TDRD3: variants seen among roughly 807,000 people sequenced by gnomAD.
TDRD3 encodes tudor domain containing 3, also known as tudor domain-containing protein 3.
A neutral mutation model predicts 86.7 loss-of-function variants in TDRD3; 45 were observed. That is an observed-to-expected ratio of 0.52 (90% CI 0.41 to 0.67). The LOEUF (loss-of-function observed/expected upper bound fraction) is 0.67, where lower values mean the gene tolerates loss of function less well. Ranked by LOEUF, TDRD3 falls within the 30% of genes least tolerant of loss-of-function variation. The probability of loss-of-function intolerance (pLI) is 0.00; values close to 1 mark genes in which losing one functional copy is unlikely to be tolerated. For synonymous variants in TDRD3, 298 were observed against 301.7 expected, an observed-to-expected ratio of 0.99 and a Z score of 0.13; for missense variants, 814 against 889.0, an observed-to-expected ratio of 0.92 and a Z score of 1.07.
intron 7 of TDRD3, among the ~76,000 whole-genome samples, chr13:60,486,635 T>C (rs541468013): frequency 6.6e-6 from 1 of 152,312 alleles, no homozygotes; most frequent in South Asian, 2.1e-4. Context: ...AACTCTCATC[T>C]AGCTATTTTG....
rs1957529565 is a variant in TDRD3, at chr13:60,529,323, T to C, written c.1992+106T>C. ...GGAACTATGAGTCTTTTTCTACTATTGTACCTGTTTAAAATCTTTGAACAG... is the reference window on the plus strand; with the variant it reads ...GGAACTATGAGTCTTTTTCTACTATCGTACCTGTTTAAAATCTTTGAACAG... On this transcript the variant is annotated intron_variant, in intron 11 of 13. Transcript: ENST00000377881. 12 of 1,250,112 alleles carry C rather than the reference T, an allele frequency of 9.6e-6. No homozygotes were observed. The South Asian group carries it at 2.2e-4, about 22-fold the overall frequency. 77.4% of individuals were successfully genotyped at this position (1,250,112 alleles called of 1,614,324 possible).
At position 60,414,693 on chromosome 13, in the gene TDRD3, G is replaced by T. The variant is rs183728703; in HGVS notation, c.41+17288G>T. On this transcript the variant is annotated intron_variant, in intron 1 of 13. Transcript: ENST00000377881. ...TAAATCCTAACTATTTGATAGGAAT[G>T]TGTCAGTACTTGCAGTGGGGGCTTT... 9.9e-5 allele frequency among the ~76,000 whole-genome samples: 15 copies of T among 152,232 alleles called. No homozygotes were observed. The East Asian group carries it at 2.7e-3, about 27-fold the overall frequency.
intron 12 of TDRD3, among the ~76,000 whole-genome samples, chr13:60,551,573 C>G (rs990697875): frequency 1.1e-4 from 17 of 152,204 alleles, no homozygotes; most frequent in African/African-American, 4.1e-4. Context: ...TAAACCCAAA[C>G]TGCTTCTTTG....
chr13:60,497,775 A>G (rs1359316314), intron 8 of TDRD3, among the ~76,000 whole-genome samples: 1 of 151,246 alleles, frequency 6.6e-6, no homozygotes, highest in African/African-American at 2.4e-5. Context: ...ACTCTGATGA[A>G]TTTTTTTTTG....
At chr13:60,398,445 A>C (rs1001639834) in intron 1 of TDRD3, among the ~76,000 whole-genome samples, 27 of 152,220 alleles carry the variant, frequency 1.8e-4, no homozygotes. Flanking sequence ...GAGCTGCTGG[A>C]GATGACACAG....
intron 12 of TDRD3, among the ~76,000 whole-genome samples, chr13:60,549,544 T>C (rs1957999598): frequency 6.6e-6 from 1 of 152,142 alleles, no homozygotes. Flanking sequence ...TAGATTGAAA[T>C]GTTAATTATA....
intron 1 of TDRD3, among the ~76,000 whole-genome samples, chr13:60,404,420 C>T (rs1383062114): frequency 2.0e-4 from 29 of 144,284 alleles, no homozygotes; most frequent in African/African-American, 7.2e-4. Flanking sequence ...ACGCCATTCT[C>T]CTGCCTCAGC....
At position 60,397,349 on chromosome 13, in the gene TDRD3, G is replaced by A. The variant is rs1384624002; in HGVS notation, c.-16G>A. 11 of 1,141,610 alleles carry A rather than the reference G, an allele frequency of 9.6e-6. No homozygotes were observed. The highest frequency in any genetic ancestry group is 4.2e-5 in the East Asian group (1 of 23,964). 70.7% of individuals were successfully genotyped at this position (1,141,610 alleles called of 1,614,324 possible). A position where few individuals can be genotyped will look rare whatever the true frequency, so the allele number is the denominator to read the frequency against. The stretch of plus-strand genomic sequence containing the variant: ...CCCACCCCAGCCCCCCACCACCCCC[G>A]GCCTAAGCAGCTACCATGGCCCAGG... On this transcript the variant is annotated 5_prime_UTR_variant, in exon 1 of 14. Transcript: ENST00000377881.
chr13:60,426,644 C>T (rs11842026), intron 1 of TDRD3, among the ~76,000 whole-genome samples: 30,498 of 152,002 alleles, frequency 0.2, 3,642 homozygotes, highest in South Asian at 0.29. Context: ...AAGTTGCCCC[C>T]ATTAGAGTTA....
intron 6 of TDRD3, 110 bp from the exon 7 acceptor site, chr13:60,485,689 T>C: frequency 1.1e-6 from 1 of 873,322 alleles, no homozygotes; most frequent in Middle Eastern, 3.8e-4. Flanking sequence ...GTGTAGGCTT[T>C]TAGCTATTGT....
At chr13:60,404,566 T>C (rs1471675640) in intron 1 of TDRD3, among the ~76,000 whole-genome samples, 1 of 151,846 alleles carries the variant, frequency 6.6e-6, no homozygotes, top group East Asian at 1.9e-4. Context: ...CGCCTCGGCC[T>C]CCCAAAGTGC....
rs563499454 is a variant in TDRD3, at chr13:60,551,500, G to A, written c.2119-16025G>A. 2.3e-3 allele frequency among the ~76,000 whole-genome samples: 345 copies of A among 152,274 alleles called. 1 individual carries two copies. Among genetic ancestry groups the A allele is most frequent in the African/African-American group, 8.0e-3 (332 of 41,550 alleles). ...TTGTTGCCCCTTAATTGCAGCAGCA[G>A]CCACTGATTGAAATTTCCAGATCAG... On this transcript the variant is annotated intron_variant, in intron 12 of 13. Transcript: ENST00000377881.
chr13:60,518,822 C>A (rs1003148146), intron 10 of TDRD3, among the ~76,000 whole-genome samples: 2 of 152,128 alleles, frequency 1.3e-5, no homozygotes, highest in Non-Finnish European at 2.9e-5. Flanking sequence ...CAGAACTAGT[C>A]TCTGTAAAAT....
chr13:60,513,293 C>A lies in TDRD3; in HGVS notation c.1141+2538C>A, dbSNP rs146825783. Among the ~76,000 whole-genome samples, 396 of 152,292 alleles carry A rather than the reference C, an allele frequency of 2.6e-3. 5 individuals are homozygous for A. The highest frequency in any genetic ancestry group is 2.1e-3 in the Non-Finnish European group (146 of 68,022). ...GGGACCCTGGGCCCAGCCCATGAAACCATTTTTTCCTCCTAGGCCTCCTGG... is the reference window on the plus strand; with the variant it reads ...GGGACCCTGGGCCCAGCCCATGAAAACATTTTTTCCTCCTAGGCCTCCTGG... On this transcript the variant is annotated intron_variant, in intron 10 of 13. Transcript: ENST00000377881.
At chr13:60,448,267 C>T (rs1404676869) in intron 3 of TDRD3, among the ~76,000 whole-genome samples, 1 of 152,100 alleles carries the variant, frequency 6.6e-6, no homozygotes, top group Non-Finnish European at 1.5e-5. Flanking sequence ...ATTGAATTTA[C>T]AGCTCTCATT....
At chr13:60,559,840 G>A (rs1208436893) in intron 12 of TDRD3, among the ~76,000 whole-genome samples, 3 of 152,160 alleles carry the variant, frequency 2.0e-5, no homozygotes, top group Admixed American at 6.5e-5. Context: ...CCAATTAACA[G>A]TAGTGTATTG....
chr13:60,404,752 C>T (rs539621840), intron 1 of TDRD3, among the ~76,000 whole-genome samples: 3 of 152,262 alleles, frequency 2.0e-5, no homozygotes, highest in East Asian at 3.9e-4. Flanking sequence ...TTACAGGTGC[C>T]CACCACCACA....
intron 4 of TDRD3, among the ~76,000 whole-genome samples, chr13:60,461,509 C>T (rs1439747077): frequency 6.6e-6 from 1 of 152,150 alleles, no homozygotes; most frequent in Non-Finnish European, 1.5e-5. Context: ...GCCCTCCTCC[C>T]ACCTGCCTTT....
At chr13:60,426,577 A>G (rs1444265267) in intron 1 of TDRD3, among the ~76,000 whole-genome samples, 2 of 152,174 alleles carry the variant, frequency 1.3e-5, no homozygotes, top group East Asian at 3.9e-4. Context: ...ACACTTTGCA[A>G]ATAATTCTAA....
Sources: gnomAD v4.1 joint callset for allele counts (sites outside exome capture counted in the v4.1 genomes callset) on GRCh38, gnomAD v4.1.1 for gene constraint, MANE v1.5 for transcripts, NCBI Gene and HGNC (gene_info 2026-07-23, HGNC 2026-07-21) for gene names.